The following ELF5 variants were observed in gnomAD, a reference collection of about 807,000 sequenced individuals.
ELF5 encodes the protein ETS-related transcription factor Elf-5.
In ELF5, 31 loss-of-function variants were observed where a neutral mutation model predicts 38.2. The ratio of observed to expected loss-of-function variants is 0.81; its 90% CI spans 0.61 to 1.10. The LOEUF is 1.10. Among genes scored for constraint, ELF5 ranks in the 50% least tolerant of loss-of-function variants. ELF5 has a pLI of 0.00. For missense variants in ELF5, 300 were observed against 306.6 expected (o/e 0.98, Z 0.16); for synonymous variants, 121 against 112.5 (o/e 1.08, Z -0.48).
chr11:34,507,719 T>C (rs545345599), intron 1 of ELF5, among the ~76,000 whole-genome samples: 1 of 152,344 alleles, frequency 6.6e-6, no homozygotes, highest in South Asian at 2.1e-4. Flanking sequence ...AACAATCTGT[T>C]CACCCGAATT....
At chr11:34,511,760 C>T (rs1453961068) in intron 1 of ELF5, 29 of 627,872 alleles carry the variant, frequency 4.6e-5, no homozygotes, top group Non-Finnish European at 8.0e-5. Context: ...CACCCCTGCT[C>T]AGCCTCCCAG....
intron 2 of ELF5, among the ~76,000 whole-genome samples, chr11:34,494,032 G>A (rs939369987): frequency 6.6e-6 from 1 of 152,212 alleles, no homozygotes; most frequent in Non-Finnish European, 1.5e-5. Context: ...TTTGATTCCA[G>A]ATAACATGAT....
chr11:34,496,423 T>C (rs113875983), intron 2 of ELF5, among the ~76,000 whole-genome samples: 20,536 of 151,798 alleles, frequency 0.14, 1,534 homozygotes, highest in Admixed American at 0.21. Flanking sequence ...GGGAGGAGAG[T>C]GGCAGAGCGG....
intron 2 of ELF5, among the ~76,000 whole-genome samples, chr11:34,498,868 T>G (rs1850381494): frequency 1.3e-5 from 2 of 152,150 alleles, no homozygotes; most frequent in South Asian, 4.2e-4. Flanking sequence ...GAGGCAGGTG[T>G]ATCACCTGAG....
intron 1 of ELF5, among the ~76,000 whole-genome samples, chr11:34,509,369 C>G (rs1850695565): frequency 6.6e-6 from 1 of 152,158 alleles, no homozygotes; most frequent in Non-Finnish European, 1.5e-5. Flanking sequence ...ATGAGAACTC[C>G]TCTCCAGATG....
rs1396082555 is a variant in ELF5, at chr11:34,493,712, G to T, written c.122C>A (p.Ala41Asp). ...GACTGATGTCCAGTATGAGTCACAG[G>T]CTGCACCAAAGGAGAAAGAAGTGAG... The part of the protein sequence containing the change: ...EYYPAFEHQT[A>D]CDSYWTSVHP... The change falls in exon 3 of 7, where the codon GCC becomes GAC. Residue 41 changes from alanine to aspartate, a missense_variant and splice_region_variant. Transcript: ENST00000257832. 4 of 1,612,736 alleles carry T rather than the reference G, an allele frequency of 2.5e-6. No homozygotes were observed. Among genetic ancestry groups the T allele is most frequent in the Non-Finnish European group, 2.5e-6 (3 of 1,178,938 alleles).
rs1182947705 is a variant in ELF5 at position 34,480,936 on chromosome 11, T to A, written c.507A>T (p.Val169=). Residue 169 remains valine (V), a synonymous_variant, in exon 6 of 7, where the codon GTA becomes GTT. Transcript: ENST00000257832. The part of the protein sequence containing the change: ...SLQSSHLWEF[V]RDLLLSPEEN... Reference sequence around the variant, plus strand: ...CTTCAGGAGATAGAAGCAGGTCTCGTACAAATTCCCATAGATGAGAACTTT... The same window carrying A: ...CTTCAGGAGATAGAAGCAGGTCTCGAACAAATTCCCATAGATGAGAACTTT... 10 of 1,613,892 alleles carry A rather than the reference T, an allele frequency of 6.2e-6. No individual in the cohort carries two copies. The highest frequency in any genetic ancestry group is 8.5e-6 in the Non-Finnish European group (10 of 1,179,924).
chr11:34,497,524 T>A (rs1850347661), intron 2 of ELF5, among the ~76,000 whole-genome samples: 1 of 152,216 alleles, frequency 6.6e-6, no homozygotes, highest in Admixed American at 6.5e-5. Context: ...TAATCTGAGA[T>A]GCATTTAAAT....
intron 4 of ELF5, among the ~76,000 whole-genome samples, chr11:34,486,305 A>G (rs546027845): frequency 7.0e-4 from 107 of 152,062 alleles, no homozygotes; most frequent in African/African-American, 2.2e-3. Context: ...GCATTTCTGC[A>G]GTGGAGGTGG....
intron 4 of ELF5, among the ~76,000 whole-genome samples, chr11:34,482,706 C>T (rs898527731): frequency 2.0e-5 from 3 of 152,114 alleles, no homozygotes; most frequent in Non-Finnish European, 4.4e-5. Flanking sequence ...CTCACCCCAC[C>T]CTGATGAGAA....
chr11:34,513,699 C>T lies in ELF5; in HGVS notation c.-27G>A, dbSNP rs1457816545. On this transcript the variant is annotated 5_prime_UTR_variant, in exon 1 of 7. Coordinates refer to ENST00000257832, the MANE Select transcript of ELF5 (RefSeq NM_001422.4). ...TACGTGAGGGCAGCGGTGGCTAGGTCCAAAGAGGAGGCTTTCAAGGCAAGA... is the reference window on the plus strand; with the variant it reads ...TACGTGAGGGCAGCGGTGGCTAGGTTCAAAGAGGAGGCTTTCAAGGCAAGA... The T allele has an allele frequency of 6.6e-6, 1 of 152,432 alleles. No individual in the cohort carries two copies. The highest frequency in any genetic ancestry group is 1.5e-5 in the Non-Finnish European group (1 of 68,204). The allele number at this position is 152,432 out of a possible 1,614,324, so 9.4% of individuals were successfully genotyped here. A position where few individuals can be genotyped will look rare whatever the true frequency, so the allele number is the denominator to read the frequency against.
intron 2 of ELF5, among the ~76,000 whole-genome samples, chr11:34,496,193 G>A (rs1034935247): frequency 1.3e-5 from 2 of 152,254 alleles, no homozygotes; most frequent in Non-Finnish European, 2.9e-5. Flanking sequence ...ACACCGGGGA[G>A]GTGTTGCTGG....
At chr11:34,510,404 G>A (rs1850723892) in intron 1 of ELF5, among the ~76,000 whole-genome samples, 1 of 151,896 alleles carries the variant, frequency 6.6e-6, no homozygotes, top group Non-Finnish European at 1.5e-5. Context: ...GCATGCAGTA[G>A]GTGTGAGAGT....
chr11:34,484,946 C>T (rs1307623334), intron 4 of ELF5, among the ~76,000 whole-genome samples: 2 of 152,214 alleles, frequency 1.3e-5, no homozygotes, highest in African/African-American at 4.8e-5. Flanking sequence ...CTGGGTTAGA[C>T]CCCTTATGAG....
chr11:34,512,308 A>C (rs1850780531), intron 1 of ELF5, among the ~76,000 whole-genome samples: 1 of 151,946 alleles, frequency 6.6e-6, no homozygotes, highest in Non-Finnish European at 1.5e-5. Flanking sequence ...TCGCTTAGGG[A>C]GTTTGCGTGT....
intron 2 of ELF5, among the ~76,000 whole-genome samples, chr11:34,497,092 A>T (rs1260933354): frequency 1.3e-5 from 2 of 152,232 alleles, no homozygotes; most frequent in African/African-American, 4.8e-5. Context: ...ACTGAAGATG[A>T]TAGTGTTTAG....
chr11:34,498,821 G>A (rs1850380373), intron 2 of ELF5, among the ~76,000 whole-genome samples: 1 of 152,190 alleles, frequency 6.6e-6, no homozygotes, highest in Non-Finnish European at 1.5e-5. Flanking sequence ...GTCGGGTGCA[G>A]TGGCTCACAC....
intron 2 of ELF5, 125 bp downstream of exon 2, chr11:34,505,504 C>T: frequency 7.0e-7 from 1 of 1,431,806 alleles, no homozygotes; most frequent in South Asian, 1.3e-5. Context: ...GCCCTCCAGC[C>T]CTCTGCCCTG....
intron 1 of ELF5, among the ~76,000 whole-genome samples, chr11:34,506,813 CG>C (rs759008105): frequency 1.3e-5 from 2 of 150,828 alleles, no homozygotes. Flanking sequence ...AGAAACTGGC[CG>C]AAAAAAATAA....
Sources: allele counts gnomAD v4.1 joint callset (sites outside exome capture counted in the v4.1 genomes callset), GRCh38; gene constraint gnomAD v4.1.1; transcripts MANE v1.5; gene names NCBI Gene and HGNC (gene_info 2026-07-23, HGNC 2026-07-21).